The following NPR3 variants were observed in gnomAD, a reference collection of about 807,000 sequenced individuals.
The protein encoded by NPR3 is atrial natriuretic peptide receptor 3.
Under a neutral mutation model 54.5 loss-of-function variants are expected in NPR3, and 34 were observed. The observed-to-expected ratio is 0.62, with a 90% confidence interval of 0.47 to 0.83. NPR3 has a LOEUF of 0.83. Among genes scored for constraint, NPR3 ranks in the 40% least tolerant of loss-of-function variants. The probability of loss-of-function intolerance (pLI) is 0.00; values close to 1 mark genes in which losing one functional copy is unlikely to be tolerated. For missense variants in NPR3, 674 were observed against 720.8 expected (o/e 0.94, Z 0.74); for synonymous variants, 289 against 297.1 (o/e 0.97, Z 0.28).
intron 4 of NPR3, 102 bp from the exon 5 acceptor site, chr5:32,780,620 G>T (rs952303151): frequency 2.6e-6 from 2 of 764,092 alleles, no homozygotes; most frequent in African/African-American, 3.4e-5. Flanking sequence ...CCTGTGGCAT[G>T]AGTTTGTTTA....
chr5:32,732,242 C>T (rs940987390), intron 2 of NPR3, among the ~76,000 whole-genome samples: 4 of 107,286 alleles, frequency 3.7e-5, no homozygotes, highest in East Asian at 2.9e-4. Context: ...AGCGAGACTC[C>T]GTCTCAAAAA....
At chr5:32,766,712 T>C (rs1741490210) in intron 3 of NPR3, among the ~76,000 whole-genome samples, 1 of 152,214 alleles carries the variant, frequency 6.6e-6, no homozygotes, top group South Asian at 2.1e-4. Context: ...GTCATCTTAT[T>C]TCATAGTGAG....
upstream of NPR3, among the ~76,000 whole-genome samples, chr5:32,707,850 C>G (rs1224303602): frequency 6.6e-6 from 1 of 152,062 alleles, no homozygotes; most frequent in Non-Finnish European, 1.5e-5. Flanking sequence ...TGTTAGTTTT[C>G]CTATATTAAT....
chr5:32,775,182 A>G (rs562629904), intron 4 of NPR3, among the ~76,000 whole-genome samples: 17 of 152,200 alleles, frequency 1.1e-4, no homozygotes, highest in Non-Finnish European at 2.2e-4. Context: ...AATCCCAGAT[A>G]TACATTCATG....
chr5:32,699,546 A>C (rs1740614682), intron 1 of NPR3, among the ~76,000 whole-genome samples: 1 of 152,094 alleles, frequency 6.6e-6, no homozygotes, highest in African/African-American at 2.4e-5. Flanking sequence ...CCCACTTATG[A>C]TTGAGAACAT....
intron 1 of NPR3, among the ~76,000 whole-genome samples, chr5:32,723,325 T>A (rs967501600): frequency 6.6e-6 from 1 of 152,232 alleles, no homozygotes; most frequent in Non-Finnish European, 1.5e-5. Context: ...TTCTAGGCTG[T>A]GTAGCCCTTA....
chr5:32,696,610 A>G (rs1000743706), intron 1 of NPR3, among the ~76,000 whole-genome samples: 4 of 152,248 alleles, frequency 2.6e-5, no homozygotes, highest in Admixed American at 2.0e-4. Flanking sequence ...GACATTTAAG[A>G]ATATTGATTC....
At position 32,725,905 on chromosome 5, in the gene NPR3, G is replaced by A. The variant is rs574680342; in HGVS notation, c.892+1085G>A. On this transcript the variant is annotated intron_variant, in intron 2 of 7. Transcript: ENST00000265074. The stretch of plus-strand genomic sequence containing the variant: ...TATACAGAAGTTGTGAACCACCAAT[G>A]TATAGAGTTGAAAGCATTTAATTCC... 5.3e-5 allele frequency among the ~76,000 whole-genome samples: 8 copies of A among 152,298 alleles called. No homozygotes were observed. The South Asian group carries it at 1.7e-3, about 32-fold the overall frequency.
At chr5:32,776,380 C>A (rs970316782) in intron 4 of NPR3, among the ~76,000 whole-genome samples, 2 of 152,196 alleles carry the variant, frequency 1.3e-5, no homozygotes, top group Non-Finnish European at 2.9e-5. Context: ...TATCACAAGC[C>A]TCTTGCACAT....
intron 3 of NPR3, among the ~76,000 whole-genome samples, chr5:32,745,294 C>T (rs1235998341): frequency 6.6e-6 from 1 of 152,228 alleles, no homozygotes; most frequent in Non-Finnish European, 1.5e-5. Flanking sequence ...TGCAGAGGCT[C>T]TCAACTGTCA....
At chr5:32,774,381 G>A (rs1579695988) in intron 3 of NPR3, among the ~76,000 whole-genome samples, 1 of 152,204 alleles carries the variant, frequency 6.6e-6, no homozygotes, top group East Asian at 1.9e-4. Context: ...GCTTGAGATA[G>A]AGGCAGATGT....
chr5:32,789,525 G>A lies in NPR3; in HGVS notation c.*3180G>A, dbSNP rs1307158727. The A allele has an allele frequency of 1.9e-6, 1 of 534,538 alleles. No homozygotes were observed. The highest frequency in any genetic ancestry group is 3.8e-6 in the Non-Finnish European group (1 of 260,090). The allele number at this position is 534,538 out of a possible 1,614,324, so 33.1% of individuals were successfully genotyped here. On this transcript the variant is annotated 3_prime_UTR_variant, in exon 8 of 8. Coordinates refer to ENST00000265074, the MANE Select transcript of NPR3 (RefSeq NM_001204375.2). ...TCACATTTCAGAACCCATGTTTAAT[G>A]GAGGGAAGAGAGAAATGCATGGGAA...
At chr5:32,718,165 T>C (rs1263412218) in intron 1 of NPR3, among the ~76,000 whole-genome samples, 1 of 152,238 alleles carries the variant, frequency 6.6e-6, no homozygotes. Flanking sequence ...TGTGGCATTG[T>C]TTCTGAGGCC....
In NPR3 at chr5:32,711,629, G is replaced by T. The variant is rs1385785996; in HGVS notation, c.-148G>T. On this transcript the variant is annotated 5_prime_UTR_variant, in exon 1 of 8. Coordinates refer to ENST00000265074, the MANE Select transcript of NPR3 (RefSeq NM_001204375.2). ...GGACGCTTCCTCTCTATCTTTTGGCGCATTAGTGAAGGGGGTATTCTATTT... is the reference window on the plus strand; with the variant it reads ...GGACGCTTCCTCTCTATCTTTTGGCTCATTAGTGAAGGGGGTATTCTATTT... 2.4e-6 allele frequency: 3 copies of T among 1,253,178 alleles called. No individual in the cohort carries two copies. The highest frequency in any genetic ancestry group is 3.0e-6 in the Non-Finnish European group (3 of 1,002,968). The allele number at this position is 1,253,178 out of a possible 1,614,324, so 77.6% of individuals were successfully genotyped here.
In NPR3 at chr5:32,729,037, T is replaced by TG. The variant is rs1286262757; in HGVS notation, c.892+4217_892+4218insG. Among the ~76,000 whole-genome samples the TG allele has an allele frequency of 3.8e-3, 53 of 14,004 alleles. 2 individuals carry two copies. The highest frequency in any genetic ancestry group is 4.0e-3 in the South Asian group (2 of 506). The allele number at this position is 14,004 out of a possible 152,430, so 9.2% of individuals were successfully genotyped here. On this transcript the variant is annotated intron_variant, in intron 2 of 7. Coordinates refer to ENST00000265074, the MANE Select transcript of NPR3 (RefSeq NM_001204375.2). ...GTGTTTTTTTTTTTTTTTGTTTTGTTTTTTTTTTTTGAGACGGAGTCTCGC... is the reference window on the plus strand; with the variant it reads ...GTGTTTTTTTTTTTTTTTGTTTTGTTGTTTTTTTTTTGAGACGGAGTCTCGC...
At chr5:32,754,672 T>A (rs1051120709) in intron 3 of NPR3, among the ~76,000 whole-genome samples, 18 of 152,086 alleles carry the variant, frequency 1.2e-4, no homozygotes, top group African/African-American at 3.9e-4. Context: ...TCTTAAAAAA[T>A]CTGGCCCCAC....
intron 1 of NPR3, chr5:32,716,627 C>T (rs1738566815): frequency 3.8e-6 from 1 of 262,474 alleles, no homozygotes; most frequent in Non-Finnish European, 7.6e-6. Context: ...CCATCTCTTA[C>T]ACAATATTTT....
intron 2 of NPR3, among the ~76,000 whole-genome samples, chr5:32,727,825 T>G (rs1406378577): frequency 6.6e-6 from 1 of 152,214 alleles, no homozygotes; most frequent in Non-Finnish European, 1.5e-5. Context: ...TAGTTGAACA[T>G]CCTATTTCTT....
At chr5:32,739,165 CTG>C (rs552222462) in intron 3 of NPR3, 135 bp downstream of exon 3, 15,179 of 704,942 alleles carry the variant, frequency 0.022, 120 homozygotes, top group Middle Eastern at 0.032. Flanking sequence ...CTGTTGCCTT[CTG>C]TGTGTGTGTG....
Sources: allele counts gnomAD v4.1 joint callset (sites outside exome capture counted in the v4.1 genomes callset), GRCh38; gene constraint gnomAD v4.1.1; transcripts MANE v1.5; gene names NCBI Gene and HGNC (gene_info 2026-07-23, HGNC 2026-07-21).